ST8SIA6: variants seen among roughly 807,000 people sequenced by gnomAD.
The protein encoded by ST8SIA6 is alpha-2,8-sialyltransferase 8F.
ST8SIA6 carries 39 observed loss-of-function variants against 33.6 expected under a neutral mutation model. The ratio of observed to expected loss-of-function variants is 1.16; its 90% confidence interval spans 0.90 to 1.52. ST8SIA6 has a LOEUF of 1.52. ST8SIA6 is among the 40% of genes most tolerant of loss of function. ST8SIA6 has a pLI of 0.00. For synonymous variants in ST8SIA6, 172 were observed against 167.2 expected (o/e 1.03, Z -0.22); for missense variants, 441 against 443.8 (o/e 0.99, Z 0.06).
At chr10:17,363,587 T>A (rs890924323) in intron 3 of ST8SIA6, among the ~76,000 whole-genome samples, 1 of 152,210 alleles carries the variant, frequency 6.6e-6, no homozygotes, top group Non-Finnish European at 1.5e-5. Flanking sequence ...GATCCTCTCG[T>A]CCTTTCCTCC....
At chr10:17,396,507 T>C (rs1188308844) in intron 2 of ST8SIA6, among the ~76,000 whole-genome samples, 1 of 152,186 alleles carries the variant, frequency 6.6e-6, no homozygotes, top group Non-Finnish European at 1.5e-5. Context: ...CAGAGAAACA[T>C]GGTGCAGCTG....
intron 2 of ST8SIA6, among the ~76,000 whole-genome samples, chr10:17,426,510 A>C (rs1212529384): frequency 6.6e-6 from 1 of 152,204 alleles, no homozygotes; most frequent in African/African-American, 2.4e-5. Context: ...TTAAAAGCCA[A>C]CACTTGTCAG....
At chr10:17,429,565 T>C (rs1479710850) in intron 2 of ST8SIA6, among the ~76,000 whole-genome samples, 1 of 151,982 alleles carries the variant, frequency 6.6e-6, no homozygotes, top group African/African-American at 2.4e-5. Context: ...AATCTTCAAC[T>C]CCCACCTCCC....
At chr10:17,420,740 G>A (rs1160072461) in intron 2 of ST8SIA6, among the ~76,000 whole-genome samples, 4 of 152,156 alleles carry the variant, frequency 2.6e-5, no homozygotes, top group Admixed American at 2.6e-4. Context: ...CTTCCAAGGT[G>A]ACACCTTGTA....
chr10:17,380,166 T>C (rs1420629983), intron 3 of ST8SIA6, among the ~76,000 whole-genome samples: 1 of 152,218 alleles, frequency 6.6e-6, no homozygotes, highest in Non-Finnish European at 1.5e-5. Flanking sequence ...GTACCTCCTT[T>C]ATGGACCTTG....
At chr10:17,337,243 G>A (rs1159150078) in intron 4 of ST8SIA6, among the ~76,000 whole-genome samples, 1 of 152,102 alleles carries the variant, frequency 6.6e-6, no homozygotes. Context: ...CACGATTCCT[G>A]TGCAGCCTGC....
At chr10:17,380,857 G>GTGTA (rs572211542) in intron 3 of ST8SIA6, among the ~76,000 whole-genome samples, 3 of 151,806 alleles carry the variant, frequency 2.0e-5, no homozygotes, top group Admixed American at 6.6e-5. Flanking sequence ...GTGTGTTTGT[G>GTGTA]TGTATGTGTT....
In ST8SIA6 at chr10:17,342,425, G is replaced by C. The variant is rs557340944; in HGVS notation, c.378-10873C>G. On this transcript the variant is annotated intron_variant, in intron 4 of 7. Transcript: ENST00000377602. ...TTAACACCGAACCCAGCGCACAGAAGGCACTTGATAAATATTTCCTCATTG... is the reference window on the plus strand; with the variant it reads ...TTAACACCGAACCCAGCGCACAGAACGCACTTGATAAATATTTCCTCATTG... Among the ~76,000 whole-genome samples the C allele has an allele frequency of 1.1e-4, 17 of 152,220 alleles. No homozygotes were observed. The South Asian group carries it at 2.1e-3, about 19-fold the overall frequency.
intron 2 of ST8SIA6, chr10:17,403,366 G>A (rs1225838613): frequency 1.3e-5 from 2 of 152,248 alleles, no homozygotes; most frequent in Non-Finnish European, 2.9e-5. Flanking sequence ...ATGAGCATCT[G>A]TGCCTCATTT....
intron 4 of ST8SIA6, among the ~76,000 whole-genome samples, chr10:17,334,743 C>T (rs1056603733): frequency 2.0e-5 from 3 of 151,784 alleles, no homozygotes; most frequent in Admixed American, 1.3e-4. Context: ...TAAATTAATA[C>T]CAAGCTACGT....
intron 4 of ST8SIA6, among the ~76,000 whole-genome samples, chr10:17,353,599 C>G (rs1849100358): frequency 6.6e-6 from 1 of 152,112 alleles, no homozygotes; most frequent in Non-Finnish European, 1.5e-5. Flanking sequence ...GGAATAACTT[C>G]CAAGAAATTT....
intron 2 of ST8SIA6, among the ~76,000 whole-genome samples, chr10:17,405,289 T>C (rs1291706052): frequency 2.0e-5 from 3 of 151,984 alleles, no homozygotes; most frequent in Non-Finnish European, 4.4e-5. Flanking sequence ...GAGGATTGCC[T>C]GAGCCCAGGA....
At chr10:17,414,695 G>A (rs551293888) in intron 2 of ST8SIA6, among the ~76,000 whole-genome samples, 2 of 152,238 alleles carry the variant, frequency 1.3e-5, no homozygotes, top group East Asian at 3.9e-4. Context: ...ATGAGGGAGA[G>A]AGTGCTAGTG....
intron 2 of ST8SIA6, among the ~76,000 whole-genome samples, chr10:17,404,377 T>C (rs1340950973): frequency 6.6e-6 from 1 of 152,110 alleles, no homozygotes; most frequent in African/African-American, 2.4e-5. Context: ...AACCACCTCA[T>C]TGTCCACAGC....
intron 5 of ST8SIA6, 115 bp downstream of exon 5, chr10:17,331,293 A>G (rs1848290468): frequency 4.5e-6 from 6 of 1,328,876 alleles, no homozygotes; most frequent in South Asian, 1.7e-5. Flanking sequence ...ATTTTATACA[A>G]CATAACAATA....
intron 3 of ST8SIA6, among the ~76,000 whole-genome samples, chr10:17,367,901 C>CT (rs1849604631): frequency 6.6e-6 from 1 of 152,174 alleles, no homozygotes; most frequent in Non-Finnish European, 1.5e-5. Context: ...CCTTTTGCAT[C>CT]TTTAATTGTC....
rs377440716 is a variant in ST8SIA6, at chr10:17,320,995, A to G, written c.1080T>C (p.Tyr360=). 14 of 1,613,984 alleles carry G rather than the reference A, an allele frequency of 8.7e-6. No individual in the cohort carries two copies. The highest frequency in any genetic ancestry group is 1.3e-5 in the African/African-American group (1 of 74,930). The change falls in exon 8 of 8, where the codon TAT becomes TAC. Residue 360 remains tyrosine (Y), a synonymous_variant. Coordinates refer to ENST00000377602, the MANE Select transcript of ST8SIA6 (RefSeq NM_001004470.3). ...VEDIPVSHHY[Y]DNKLPKHGFH... is the part of the protein sequence containing the mutation. ...AACCATGTTTAGGTAGCTTGTTGTC[A>G]TAATAGTGATGGCTGACAGGTATGT...
At chr10:17,396,140 C>A (rs921438227) in intron 2 of ST8SIA6, among the ~76,000 whole-genome samples, 3 of 152,178 alleles carry the variant, frequency 2.0e-5, no homozygotes, top group East Asian at 1.9e-4. Context: ...GTTCACATGT[C>A]ACTGTGCAAG....
In ST8SIA6 at chr10:17,426,734, G is replaced by C. The variant is rs563441340; in HGVS notation, c.200+26825C>G. Among the ~76,000 whole-genome samples the C allele has an allele frequency of 2.0e-5, 3 of 152,322 alleles. No individual in the cohort carries two copies. The South Asian group carries it at 6.2e-4, about 32-fold the overall frequency. ...TGGTGGTCTTTTAGACCAAAATCCTGTCCCTTCTTGATATTTTCCACAAAA... is the reference window on the plus strand; with the variant it reads ...TGGTGGTCTTTTAGACCAAAATCCTCTCCCTTCTTGATATTTTCCACAAAA... On this transcript the variant is annotated intron_variant, in intron 2 of 7. Transcript: ENST00000377602.
Sources: allele counts gnomAD v4.1 joint callset (sites outside exome capture counted in the v4.1 genomes callset), GRCh38; gene constraint gnomAD v4.1.1; transcripts MANE v1.5; gene names NCBI Gene and HGNC (gene_info 2026-07-23, HGNC 2026-07-21).